PIP4K2A: variants seen among roughly 807,000 people sequenced by gnomAD.
PIP4K2A encodes phosphatidylinositol-5-phosphate 4-kinase type 2 alpha.
Under a neutral mutation model 42.9 loss-of-function variants are expected in PIP4K2A, and 14 were observed. The observed-to-expected ratio is 0.33, with a 90% CI of 0.22 to 0.51. The LOEUF is 0.51. Ranked by LOEUF, PIP4K2A falls within the 20% of genes least tolerant of loss-of-function variation. The pLI is 0.97. For missense variants in PIP4K2A, 434 were observed against 519.8 expected, an observed-to-expected ratio of 0.83 and a Z score of 1.61; for synonymous variants, 192 against 192.2, an observed-to-expected ratio of 1.00 and a Z score of 0.01.
intron 1 of PIP4K2A, among the ~76,000 whole-genome samples, chr10:22,691,366 C>T (rs74121888): frequency 0.089 from 13,470 of 152,072 alleles, 1,573 homozygotes; most frequent in African/African-American, 0.27. Context: ...TGACAGAGCC[C>T]TATGTTTATT....
At chr10:22,607,392 T>A (rs1837928359) in intron 3 of PIP4K2A, among the ~76,000 whole-genome samples, 1 of 152,162 alleles carries the variant, frequency 6.6e-6, no homozygotes, top group African/African-American at 2.4e-5. Context: ...GCCCAGGATG[T>A]TGGGTTCCTG....
chr10:22,693,313 T>C (rs1448682822), intron 1 of PIP4K2A, among the ~76,000 whole-genome samples: 1 of 152,208 alleles, frequency 6.6e-6, no homozygotes, highest in East Asian at 1.9e-4. Context: ...CATTTTGCTT[T>C]ATTTTACCTA....
chr10:22,544,885 C>T (rs928572158), intron 7 of PIP4K2A, among the ~76,000 whole-genome samples: 2 of 152,184 alleles, frequency 1.3e-5, no homozygotes, highest in Admixed American at 6.5e-5. Context: ...GTCTCAGCTG[C>T]GGGGCACTGC....
At chr10:22,609,802 A>C in intron 1 of PIP4K2A, 85 bp from the exon 2 acceptor site, 1 of 746,734 alleles carries the variant, frequency 1.3e-6, no homozygotes, top group Non-Finnish European at 2.2e-6. Context: ...GGGAAAAAAA[A>C]CATGGTGGAC....
chr10:22,539,134 A>T (rs1271280417), intron 9 of PIP4K2A, among the ~76,000 whole-genome samples: 2 of 152,186 alleles, frequency 1.3e-5, no homozygotes, highest in African/African-American at 2.4e-5. Context: ...TGTAAAGTTC[A>T]GCCAGGCAGG....
intron 1 of PIP4K2A, among the ~76,000 whole-genome samples, chr10:22,689,693 A>G (rs1191066492): frequency 1.3e-5 from 2 of 152,216 alleles, no homozygotes; most frequent in Non-Finnish European, 2.9e-5. Context: ...ACAGATTTCA[A>G]GGTGCATGAC....
At chr10:22,690,067 G>C (rs1209120815) in intron 1 of PIP4K2A, among the ~76,000 whole-genome samples, 1 of 152,048 alleles carries the variant, frequency 6.6e-6, no homozygotes, top group African/African-American at 2.4e-5. Context: ...AATTACTCTT[G>C]ACTTTATTCA....
chr10:22,689,067 C>T (rs1467692850), intron 1 of PIP4K2A, among the ~76,000 whole-genome samples: 1 of 152,138 alleles, frequency 6.6e-6, no homozygotes. Context: ...GCAGATTTTT[C>T]TTCGAGGAGC....
At chr10:22,684,448 TATC>T (rs1839721937) in intron 1 of PIP4K2A, among the ~76,000 whole-genome samples, 1 of 152,240 alleles carries the variant, frequency 6.6e-6, no homozygotes, top group Non-Finnish European at 1.5e-5. Context: ...CAATGTGTTT[TATC>T]ATTATTCTTT....
intron 1 of PIP4K2A, among the ~76,000 whole-genome samples, chr10:22,653,711 C>T (rs563336703): frequency 7.4e-4 from 112 of 152,088 alleles, no homozygotes; most frequent in African/African-American, 2.6e-3. Context: ...GCCAGGAGTT[C>T]GAGACCAGCC....
intron 1 of PIP4K2A, among the ~76,000 whole-genome samples, chr10:22,623,417 G>C (rs1838372624): frequency 6.6e-6 from 1 of 152,174 alleles, no homozygotes; most frequent in South Asian, 2.1e-4. Context: ...GGCAAGGGTC[G>C]CAAGGGTCTT....
chr10:22,599,027 A>T (rs993146885), intron 3 of PIP4K2A, among the ~76,000 whole-genome samples: 3 of 152,136 alleles, frequency 2.0e-5, no homozygotes, highest in Middle Eastern at 3.2e-3. Flanking sequence ...AAAAACAACA[A>T]CAGCCAAAAT....
chr10:22,668,279 A>G (rs1564461634), intron 1 of PIP4K2A, among the ~76,000 whole-genome samples: 1 of 152,140 alleles, frequency 6.6e-6, no homozygotes, highest in Non-Finnish European at 1.5e-5. Context: ...CTGGTCTTTA[A>G]AATTCCCTGC....
chr10:22,599,812 C>T (rs1243059988), intron 3 of PIP4K2A, among the ~76,000 whole-genome samples: 1 of 152,190 alleles, frequency 6.6e-6, no homozygotes, highest in East Asian at 1.9e-4. Flanking sequence ...GGCTCTGGTG[C>T]TATCTCGGTC....
intron 1 of PIP4K2A, among the ~76,000 whole-genome samples, chr10:22,623,659 T>A (rs1480022477): frequency 1.3e-5 from 2 of 152,186 alleles, no homozygotes; most frequent in Non-Finnish European, 2.9e-5. Flanking sequence ...TGCAACCAAT[T>A]GTAGGTTACA....
At chr10:22,635,081 T>C (rs868545680) in intron 1 of PIP4K2A, among the ~76,000 whole-genome samples, 15 of 151,684 alleles carry the variant, frequency 9.9e-5, no homozygotes, top group African/African-American at 3.2e-4. Flanking sequence ...TGCAGCACAT[T>C]TGGGGGAGGG....
At chr10:22,665,893 T>C (rs1382346979) in intron 1 of PIP4K2A, among the ~76,000 whole-genome samples, 1 of 152,012 alleles carries the variant, frequency 6.6e-6, no homozygotes, top group Non-Finnish European at 1.5e-5. Flanking sequence ...TACTAATCAG[T>C]ACTTTTAGTT....
chr10:22,582,596 T>C (rs1278527212), intron 4 of PIP4K2A, among the ~76,000 whole-genome samples: 1 of 152,228 alleles, frequency 6.6e-6, no homozygotes, highest in Non-Finnish European at 1.5e-5. Context: ...TCTTGTTTCA[T>C]TTAATGTTTT....
chr10:22,549,716 C>G (rs1436496771), intron 7 of PIP4K2A, among the ~76,000 whole-genome samples: 5 of 151,356 alleles, frequency 3.3e-5, no homozygotes, highest in Non-Finnish European at 7.4e-5. Context: ...TGGCGGGTGC[C>G]TGTAGTCCCA....
Sources: allele counts gnomAD v4.1 joint callset (sites outside exome capture counted in the v4.1 genomes callset), GRCh38; gene constraint gnomAD v4.1.1; transcripts MANE v1.5; gene names NCBI Gene and HGNC (gene_info 2026-07-23, HGNC 2026-07-21).